The following VMP1 variants were observed in gnomAD, a reference collection of about 807,000 sequenced individuals.
VMP1 encodes the protein vacuole membrane protein 1.
A neutral mutation model predicts 56.0 loss-of-function variants in VMP1; 11 were observed. The ratio of observed to expected loss-of-function variants is 0.20; its 90% CI spans 0.12 to 0.32. VMP1 has a LOEUF of 0.32. VMP1 is among the 10% of genes least tolerant of loss of function. VMP1 has a pLI of 1.00. For synonymous variants in VMP1, 149 were observed against 165.0 expected, an observed-to-expected ratio of 0.90 and a Z score of 0.74; for missense variants, 296 against 490.3, an observed-to-expected ratio of 0.60 and a Z score of 3.74.
chr17:59,797,166 C>A (rs562992897), intron 7 of VMP1, among the ~76,000 whole-genome samples: 3 of 145,462 alleles, frequency 2.1e-5, no homozygotes, highest in Admixed American at 2.0e-4. Context: ...ACCCCCCCCC[C>A]GTCTCTACTA....
rs72840514 is a variant in VMP1 at position 59,738,623 on chromosome 17, T to C, written c.304-214T>C. On this transcript the variant is annotated intron_variant, in intron 4 of 11. Transcript: ENST00000262291. ...TTAGAAACAAGGCTTTTATTAAAGG[T>C]TTAGAAATAAGACCTTTATTCCAGT... Among the ~76,000 whole-genome samples, 688 of 152,336 alleles carry C rather than the reference T, an allele frequency of 4.5e-3. 4 individuals are homozygous for C. The highest frequency in any genetic ancestry group is 0.01 in the South Asian group (50 of 4,832).
intron 5 of VMP1, among the ~76,000 whole-genome samples, chr17:59,750,295 ATG>A (rs2035589233): frequency 7.1e-6 from 1 of 141,586 alleles, no homozygotes; most frequent in African/African-American, 2.9e-5. Flanking sequence ...AATAGGCACA[ATG>A]AATAATTTTT....
rs1190985902 is a variant in VMP1, at chr17:59,783,382, G to T, written c.714+9497G>T. ...GTGAGTACAATGTTGAGATTAGGCA[G>T]TATTTTTCCACTAAGCTGACTTCCT... On this transcript the variant is annotated intron_variant, in intron 7 of 11. Coordinates refer to ENST00000262291, the MANE Select transcript of VMP1 (RefSeq NM_030938.5). Among the ~76,000 whole-genome samples the T allele has an allele frequency of 2.0e-5, 3 of 152,114 alleles. No homozygotes were observed. The East Asian group carries it at 5.8e-4, about 29-fold the overall frequency.
chr17:59,757,504 A>G (rs1464158790), intron 5 of VMP1, among the ~76,000 whole-genome samples: 8 of 152,172 alleles, frequency 5.3e-5, no homozygotes, highest in African/African-American at 1.9e-4. Context: ...AACTTTTTAA[A>G]CTTATGTAAA....
intron 7 of VMP1, among the ~76,000 whole-genome samples, chr17:59,806,163 TTAAAAA>T (rs2037835922): frequency 6.6e-6 from 1 of 152,106 alleles, no homozygotes; most frequent in Non-Finnish European, 1.5e-5. Context: ...GTATAAATTG[TTAAAAA>T]TAAATGGATT....
intron 11 of VMP1, chr17:59,838,640 T>TAC: frequency 2.1e-6 from 1 of 474,750 alleles, no homozygotes; most frequent in Non-Finnish European, 3.9e-6. Flanking sequence ...ATGGTTCTGT[T>TAC]ACATAGAATG....
intron 2 of VMP1, among the ~76,000 whole-genome samples, chr17:59,733,928 C>T (rs969533899): frequency 6.6e-6 from 1 of 152,086 alleles, no homozygotes; most frequent in Non-Finnish European, 1.5e-5. Context: ...CCCAAGATCA[C>T]GTGACTAATA....
At chr17:59,775,481 G>A (rs1258377628) in intron 7 of VMP1, among the ~76,000 whole-genome samples, 2 of 152,096 alleles carry the variant, frequency 1.3e-5, no homozygotes, top group African/African-American at 4.8e-5. Flanking sequence ...ATACCACTAT[G>A]GCCAGCTAAT....
chr17:59,817,906 AT>A lies in VMP1; in HGVS notation c.974+135del, dbSNP rs528415281. On this transcript the variant is annotated intron_variant, in intron 10 of 11. Coordinates refer to ENST00000262291, the MANE Select transcript of VMP1 (RefSeq NM_030938.5). ...TGAGGAGCAAAAATAACTTGCTGTT[AT>A]TAGTAAATGAAGAATACTTTCTTGT... 365 of 555,850 alleles carry A rather than the reference AT, an allele frequency of 6.6e-4. No homozygotes were observed. In the African/African-American group the frequency reaches 6.8e-3, roughly 10 times the overall value. 34.4% of individuals were successfully genotyped at this position (555,850 alleles called of 1,614,324 possible). A position where few individuals can be genotyped will look rare whatever the true frequency, so the allele number is the denominator to read the frequency against.
In VMP1 at chr17:59,818,176, A is replaced by G. The variant is rs564105788; in HGVS notation, c.974+403A>G. Among the ~76,000 whole-genome samples the G allele has an allele frequency of 2.0e-5, 3 of 152,250 alleles. No homozygotes were observed. The South Asian group carries it at 6.2e-4, about 32-fold the overall frequency. The stretch of plus-strand genomic sequence containing the variant: ...CCAGATACACAGCTGCATTTAATGT[A>G]AATGTAAATCTTACATAAAATTTTA... On this transcript the variant is annotated intron_variant, in intron 10 of 11. Transcript: ENST00000262291.
At chr17:59,794,775 A>G (rs1408459169) in intron 7 of VMP1, among the ~76,000 whole-genome samples, 2 of 150,166 alleles carry the variant, frequency 1.3e-5, no homozygotes, top group Non-Finnish European at 3.0e-5. Context: ...CTTCCATCTC[A>G]TCTTTCTTCC....
At chr17:59,786,701 A>G (rs181859866) in intron 7 of VMP1, among the ~76,000 whole-genome samples, 1 of 152,302 alleles carries the variant, frequency 6.6e-6, no homozygotes, top group East Asian at 1.9e-4. Context: ...GCTTCCCTGT[A>G]ACCACAGGGC....
At chr17:59,743,633 A>C (rs2035311337) in intron 5 of VMP1, among the ~76,000 whole-genome samples, 1 of 148,156 alleles carries the variant, frequency 6.7e-6, no homozygotes, top group African/African-American at 2.5e-5. Flanking sequence ...TATATTTATA[A>C]ATACATATAT....
At chr17:59,798,601 G>A (rs1353971881) in intron 7 of VMP1, among the ~76,000 whole-genome samples, 3 of 152,258 alleles carry the variant, frequency 2.0e-5, no homozygotes, top group South Asian at 2.1e-4. Context: ...AACACAAGAT[G>A]TAAGGCCGGG....
intron 7 of VMP1, among the ~76,000 whole-genome samples, chr17:59,807,737 C>T (rs1385488312): frequency 1.3e-5 from 2 of 149,604 alleles, no homozygotes; most frequent in East Asian, 2.0e-4. Flanking sequence ...AAGGCTGAGG[C>T]GAGAGAATCA....
At chr17:59,744,752 ATAAAG>A (rs1459254565) in intron 5 of VMP1, among the ~76,000 whole-genome samples, 2 of 152,008 alleles carry the variant, frequency 1.3e-5, no homozygotes, top group Non-Finnish European at 2.9e-5. Context: ...TAAAAGAAAT[ATAAAG>A]AGAGATCTAG....
chr17:59,758,239 AT>A (rs1165827397), intron 5 of VMP1, among the ~76,000 whole-genome samples: 1 of 152,094 alleles, frequency 6.6e-6, no homozygotes, highest in Non-Finnish European at 1.5e-5. Flanking sequence ...AGCACAGCAG[AT>A]GGTCTGTCTT....
At chr17:59,710,849 T>C (rs964932905) in intron 1 of VMP1, among the ~76,000 whole-genome samples, 3 of 152,116 alleles carry the variant, frequency 2.0e-5, no homozygotes, top group Non-Finnish European at 4.4e-5. Flanking sequence ...GGCGGGAAGA[T>C]CACCTGAGAT....
At chr17:59,769,171 T>C (rs373777386) in intron 6 of VMP1, among the ~76,000 whole-genome samples, 1 of 106,722 alleles carries the variant, frequency 9.4e-6, no homozygotes, top group Non-Finnish European at 2.0e-5. Flanking sequence ...TTTTTTTTTT[T>C]AAAGACAGAG....
Sources: gnomAD v4.1 joint callset for allele counts (sites outside exome capture counted in the v4.1 genomes callset) on GRCh38, gnomAD v4.1.1 for gene constraint, MANE v1.5 for transcripts, NCBI Gene and HGNC (gene_info 2026-07-23, HGNC 2026-07-21) for gene names.